The following ANO6 variants were observed in gnomAD, a reference collection of about 807,000 sequenced individuals.
ANO6 encodes anoctamin-6.
In ANO6, 106 loss-of-function variants were observed where a neutral mutation model predicts 117.5. The ratio of observed to expected loss-of-function variants is 0.90; its 90% CI spans 0.77 to 1.06. ANO6 has a LOEUF of 1.06. ANO6 is among the 50% of genes least tolerant of loss of function. ANO6 has a pLI of 0.00. For synonymous variants in ANO6, 367 were observed against 385.1 expected, an observed-to-expected ratio of 0.95 and a Z score of 0.55; for missense variants, 955 against 1,121.1, an observed-to-expected ratio of 0.85 and a Z score of 2.12.
At chr12:45,346,840 AC>A (rs1299924300) in intron 3 of ANO6, among the ~76,000 whole-genome samples, 181 bp from the exon 4 acceptor site, 3 of 152,198 alleles carry the variant, frequency 2.0e-5, no homozygotes, top group African/African-American at 4.8e-5. Flanking sequence ...TCCAACACTT[AC>A]ATGTCACCAG....
chr12:45,373,572 C>G (rs1348737199), intron 9 of ANO6, among the ~76,000 whole-genome samples: 1 of 152,166 alleles, frequency 6.6e-6, no homozygotes, highest in East Asian at 1.9e-4. Flanking sequence ...CAAAACCGCT[C>G]AACTACATGG....
chr12:45,251,873 C>T (rs182199434), intron 1 of ANO6, among the ~76,000 whole-genome samples: 1 of 152,206 alleles, frequency 6.6e-6, no homozygotes, highest in Admixed American at 6.5e-5. Context: ...GAAAAGACAG[C>T]CTTCTGCCCT....
chr12:45,338,140 G>T (rs1459544867), intron 3 of ANO6, among the ~76,000 whole-genome samples: 2 of 152,004 alleles, frequency 1.3e-5, no homozygotes, highest in African/African-American at 4.8e-5. Context: ...AGTTGCCAAA[G>T]AATATAAGAG....
At chr12:45,369,530 C>T (rs1941769545) in intron 9 of ANO6, among the ~76,000 whole-genome samples, 1 of 151,528 alleles carries the variant, frequency 6.6e-6, no homozygotes, top group Admixed American at 6.6e-5. Flanking sequence ...ATCTTTAATT[C>T]TATTCTAGTT....
intron 1 of ANO6, chr12:45,292,593 T>G (rs1381299942): frequency 2.0e-6 from 2 of 1,016,062 alleles, no homozygotes; most frequent in Non-Finnish European, 2.4e-6. Flanking sequence ...GTAATCCAGT[T>G]GTGTGTGAGA....
chr12:45,276,620 T>A (rs1324768683), intron 1 of ANO6, among the ~76,000 whole-genome samples: 4 of 152,198 alleles, frequency 2.6e-5, no homozygotes, highest in Admixed American at 2.6e-4. Flanking sequence ...ATCTCTGCTA[T>A]ATCAACTTGT....
At chr12:45,386,126 T>G (rs1242844623) in intron 10 of ANO6, among the ~76,000 whole-genome samples, 1 of 152,136 alleles carries the variant, frequency 6.6e-6, no homozygotes, top group Non-Finnish European at 1.5e-5. Flanking sequence ...AAAATCATAA[T>G]TTATAATTTA....
rs372781514 is a variant in ANO6, at chr12:45,393,700, TAAAG to T, written c.1386+3206_1386+3209del. ...AGTGGGGGCCAATATTCAACATTCT[TAAAG>T]AAAAGAATTTTCAACCCAGAATTTC... On this transcript the variant is annotated intron_variant, in intron 12 of 19. Transcript: ENST00000320560. 2.6e-4 allele frequency among the ~76,000 whole-genome samples: 39 copies of T among 152,244 alleles called. No individual in the cohort carries two copies. The East Asian group carries it at 6.9e-3, about 27-fold the overall frequency.
At chr12:45,419,540 A>G (rs560431240) in intron 17 of ANO6, among the ~76,000 whole-genome samples, 8 of 152,286 alleles carry the variant, frequency 5.3e-5, no homozygotes, top group Admixed American at 4.6e-4. Flanking sequence ...AGTGAGGGAA[A>G]TTTTGTAATA....
At chr12:45,269,612 T>G (rs1003698738) in intron 1 of ANO6, among the ~76,000 whole-genome samples, 1 of 152,230 alleles carries the variant, frequency 6.6e-6, no homozygotes, top group Non-Finnish European at 1.5e-5. Flanking sequence ...GGGTAGGGAA[T>G]GTAATGTTCA....
intron 12 of ANO6, among the ~76,000 whole-genome samples, chr12:45,396,445 C>T (rs1942615784): frequency 6.6e-6 from 1 of 152,174 alleles, no homozygotes; most frequent in South Asian, 2.1e-4. Context: ...TCAGTGCCAT[C>T]CCCATCAAGC....
At chr12:45,243,306 G>A (rs2137169835) in intron 1 of ANO6, among the ~76,000 whole-genome samples, 1 of 152,288 alleles carries the variant, frequency 6.6e-6, no homozygotes, top group South Asian at 2.1e-4. Context: ...GCTCCAGAGT[G>A]AGACCCTCTC....
intron 1 of ANO6, among the ~76,000 whole-genome samples, chr12:45,280,893 G>GAA (rs1938708298): frequency 2.0e-5 from 3 of 151,954 alleles, no homozygotes; most frequent in African/African-American, 7.2e-5. Context: ...GAGAGAGAGA[G>GAA]AGAATATATG....
chr12:45,309,497 C>CT (rs1447622499), intron 2 of ANO6, among the ~76,000 whole-genome samples: 1 of 151,974 alleles, frequency 6.6e-6, no homozygotes, highest in Non-Finnish European at 1.5e-5. Context: ...TCAGAGCCAG[C>CT]TACCCACAGG....
intron 1 of ANO6, among the ~76,000 whole-genome samples, chr12:45,274,205 A>G (rs570506991): frequency 6.6e-6 from 1 of 152,254 alleles, no homozygotes; most frequent in East Asian, 1.9e-4. Context: ...CCTGAATGCC[A>G]TCTGTATGTG....
intron 1 of ANO6, among the ~76,000 whole-genome samples, chr12:45,240,336 G>A (rs1323708345): frequency 3.8e-5 from 5 of 132,926 alleles, no homozygotes; most frequent in African/African-American, 1.1e-4. Flanking sequence ...TCAGAGACTA[G>A]GATTGCAACC....
chr12:45,234,353 G>A (rs1947615608), intron 1 of ANO6, among the ~76,000 whole-genome samples: 1 of 152,156 alleles, frequency 6.6e-6, no homozygotes, highest in South Asian at 2.1e-4. Flanking sequence ...TATGTATAAG[G>A]AGTTCATGTG....
At chr12:45,331,236 A>G (rs1940650846) in intron 2 of ANO6, 59 bp from the exon 3 acceptor site, 3 of 1,454,130 alleles carry the variant, frequency 2.1e-6, no homozygotes, top group African/African-American at 1.4e-5. Flanking sequence ...ATTAACACTT[A>G]TAAGTCAGCA....
intron 1 of ANO6, among the ~76,000 whole-genome samples, chr12:45,237,283 G>C (rs1947660907): frequency 6.6e-6 from 1 of 152,182 alleles, no homozygotes; most frequent in African/African-American, 2.4e-5. Flanking sequence ...TGGTGTTTTA[G>C]ACATGAAGTC....
Sources: allele counts gnomAD v4.1 joint callset (sites outside exome capture counted in the v4.1 genomes callset), GRCh38; gene constraint gnomAD v4.1.1; transcripts MANE v1.5; gene names NCBI Gene and HGNC (gene_info 2026-07-23, HGNC 2026-07-21).